Variants in AFG1L observed in about 807,000 individuals in gnomAD.
The protein encoded by AFG1L is AFG1 like ATPase.
AFG1L carries 53 observed loss-of-function variants against 62.2 expected under a neutral mutation model. The ratio of observed to expected loss-of-function variants is 0.85; its 90% CI spans 0.68 to 1.07. The LOEUF is 1.07. AFG1L is among the 50% of genes least tolerant of loss of function. AFG1L has a pLI of 0.00. For synonymous variants in AFG1L, 228 were observed against 210.3 expected (o/e 1.08, Z -0.73); for missense variants, 555 against 590.5 (o/e 0.94, Z 0.62).
intron 10 of AFG1L, among the ~76,000 whole-genome samples, chr6:108,478,537 C>G (rs1773214829): frequency 6.6e-6 from 1 of 152,228 alleles, no homozygotes; most frequent in Non-Finnish European, 1.5e-5. Context: ...GAAAGTCATT[C>G]TGGGTGATAC....
At chr6:108,386,171 A>G (rs938506233) in intron 6 of AFG1L, among the ~76,000 whole-genome samples, 3 of 152,140 alleles carry the variant, frequency 2.0e-5, no homozygotes, top group African/African-American at 7.2e-5. Context: ...TTAAAAAGAA[A>G]AATGCCTCTC....
intron 11 of AFG1L, among the ~76,000 whole-genome samples, chr6:108,510,589 A>G (rs530713313): frequency 6.6e-6 from 1 of 152,376 alleles, no homozygotes; most frequent in African/African-American, 2.4e-5. Flanking sequence ...TGAATGCTGT[A>G]TAAGCACTAT....
At position 108,295,106 on chromosome 6, in the gene AFG1L, T is replaced by A. The variant is rs1776708631; in HGVS notation, c.27T>A (p.Val9=). 6.2e-7 allele frequency: 1 copy of A among 1,611,630 alleles called. No individual in the cohort carries two copies. The highest frequency in any genetic ancestry group is 8.5e-7 in the Non-Finnish European group (1 of 1,180,006). Residue 9 remains valine (V), a synonymous_variant, in exon 1 of 13, where the codon GTT becomes GTA. Transcript: ENST00000368977. The part of the protein sequence containing the change: MAASWSLL[V]TLRPLAQSPL... ...TGGCGGCCTCCTGGTCGCTCTTGGT[T>A]ACCCTGCGCCCCTTAGCACAGAGCC...
At position 108,323,806 on chromosome 6, in the gene AFG1L, T is replaced by G; in HGVS notation, c.140-19T>G. ...AAATGTATTTAAGAAAGTCTAAAAT[T>G]TTATGTTTTTGTTTATAGCCTATAC... On this transcript the variant is annotated intron_variant, in intron 1 of 12. Coordinates refer to ENST00000368977, the MANE Select transcript of AFG1L (RefSeq NM_145315.5). 2.5e-6 allele frequency: 4 copies of G among 1,581,668 alleles called. No individual in the cohort carries two copies. Among genetic ancestry groups the G allele is most frequent in the Non-Finnish European group, 2.6e-6 (3 of 1,153,770 alleles).
chr6:108,380,903 A>G (rs765080565), intron 6 of AFG1L, among the ~76,000 whole-genome samples: 12 of 152,082 alleles, frequency 7.9e-5, no homozygotes, highest in Non-Finnish European at 1.8e-4. Flanking sequence ...ACTCATCTCT[A>G]TCAGCTGGAT....
rs1779307558 is a variant in AFG1L, at chr6:108,356,780, T to C, written c.608T>C (p.Ile203Thr). 6.2e-7 allele frequency: 1 copy of C among 1,613,478 alleles called. No individual in the cohort carries two copies. The highest frequency in any genetic ancestry group is 8.5e-7 in the Non-Finnish European group (1 of 1,179,732). ...CCAATAGCTCCCATAGCCGAAGAAA[T>C]CAGCGAAGAAGCATGTCTCCTATGT... is the stretch of plus-strand genomic sequence containing the variant. The part of the protein sequence containing the change: ...YDPIAPIAEE[I>T]SEEACLLCFD... Residue 203 changes from isoleucine (I) to threonine (T), a missense_variant, in exon 5 of 13, where the codon ATC becomes ACC. Coordinates refer to ENST00000368977, the MANE Select transcript of AFG1L (RefSeq NM_145315.5).
At chr6:108,377,670 T>C (rs1389115602) in intron 6 of AFG1L, among the ~76,000 whole-genome samples, 1 of 152,074 alleles carries the variant, frequency 6.6e-6, no homozygotes, top group Non-Finnish European at 1.5e-5. Context: ...CTAGCTGCCT[T>C]TAAGATTTTT....
intron 10 of AFG1L, among the ~76,000 whole-genome samples, chr6:108,485,657 T>TATATATATATATATATATATATA (rs869070532): frequency 1.6e-4 from 2 of 12,620 alleles, no homozygotes; most frequent in Non-Finnish European, 1.3e-4. Context: ...TATATATATA[T>TATATATATATATATATATATATA]TTTTTTTTTT....
At chr6:108,346,245 C>T (rs922430311) in intron 2 of AFG1L, among the ~76,000 whole-genome samples, 6 of 152,170 alleles carry the variant, frequency 3.9e-5, no homozygotes, top group Admixed American at 6.5e-5. Context: ...TAATGTCATG[C>T]AGCCATCACT....
chr6:108,464,861 GT>G, intron 8 of AFG1L, among the ~76,000 whole-genome samples: 1 of 152,220 alleles, frequency 6.6e-6, no homozygotes, highest in Non-Finnish European at 1.5e-5. Flanking sequence ...TGTGATCAAC[GT>G]TTGATTATCA....
chr6:108,299,048 G>A (rs1776878780), intron 1 of AFG1L, among the ~76,000 whole-genome samples: 1 of 152,008 alleles, frequency 6.6e-6, no homozygotes, highest in African/African-American at 2.4e-5. Context: ...ATCACCTGAG[G>A]TCAGGAGTTT....
intron 8 of AFG1L, among the ~76,000 whole-genome samples, chr6:108,463,568 G>A (rs930080261): frequency 6.6e-6 from 1 of 152,124 alleles, no homozygotes; most frequent in Admixed American, 6.5e-5. Flanking sequence ...AATTTTATAT[G>A]GGAGTTTGTG....
chr6:108,490,580 A>G (rs1477892583), intron 10 of AFG1L, among the ~76,000 whole-genome samples: 1 of 152,210 alleles, frequency 6.6e-6, no homozygotes, highest in African/African-American at 2.4e-5. Flanking sequence ...TCTTGCATAC[A>G]TGTTTGTACT....
intron 6 of AFG1L, among the ~76,000 whole-genome samples, chr6:108,399,753 G>A (rs1324834958): frequency 7.1e-6 from 1 of 140,740 alleles, no homozygotes; most frequent in Non-Finnish European, 1.5e-5. Flanking sequence ...CTGGGGTGGG[G>A]TGTGGAAGTA....
intron 3 of AFG1L, among the ~76,000 whole-genome samples, chr6:108,354,947 G>A (rs778301265): frequency 2.6e-5 from 4 of 152,108 alleles, no homozygotes; most frequent in African/African-American, 7.2e-5. Flanking sequence ...GACTGTATCA[G>A]AATTTCCTCA....
In AFG1L at chr6:108,295,135, T is replaced by C. The variant is rs1776712476; in HGVS notation, c.56T>C (p.Leu19Pro). The part of the protein sequence containing the change: ...VTLRPLAQSP[L>P]RGRCVGCGAW... ...CTGCGCCCCTTAGCACAGAGCCCGCTGAGAGGGAGATGTGTTGGGTGCGGG... is the reference window on the plus strand; with the variant it reads ...CTGCGCCCCTTAGCACAGAGCCCGCCGAGAGGGAGATGTGTTGGGTGCGGG... Residue 19 changes from leucine (L) to proline (P), a missense_variant, in exon 1 of 13, where the codon CTG becomes CCG. Transcript: ENST00000368977. 6.2e-7 allele frequency: 1 copy of C among 1,610,786 alleles called. No individual in the cohort carries two copies. Among genetic ancestry groups the C allele is most frequent in the Non-Finnish European group, 8.5e-7 (1 of 1,179,648 alleles).
At chr6:108,340,611 C>T (rs1201755795) in intron 2 of AFG1L, among the ~76,000 whole-genome samples, 10 of 151,990 alleles carry the variant, frequency 6.6e-5, no homozygotes, top group African/African-American at 1.9e-4. Flanking sequence ...GTGATCTGCC[C>T]GCCTCAGCCT....
chr6:108,376,711 C>G (rs1321732451), intron 6 of AFG1L, among the ~76,000 whole-genome samples: 1 of 152,086 alleles, frequency 6.6e-6, no homozygotes, highest in African/African-American at 2.4e-5. Context: ...GGGGTATGTT[C>G]TGTGTGCAGA....
intron 6 of AFG1L, among the ~76,000 whole-genome samples, chr6:108,394,374 C>A (rs976217513): frequency 6.6e-6 from 1 of 152,008 alleles, no homozygotes; most frequent in Non-Finnish European, 1.5e-5. Flanking sequence ...GTCTTGAACT[C>A]CTGACCTCAG....
Sources: gnomAD v4.1 joint callset for allele counts (sites outside exome capture counted in the v4.1 genomes callset) on GRCh38, gnomAD v4.1.1 for gene constraint, MANE v1.5 for transcripts, NCBI Gene and HGNC (gene_info 2026-07-23, HGNC 2026-07-21) for gene names.